Variants in GPC6 observed in about 807,000 individuals in gnomAD.
GPC6 encodes glypican-6.
In GPC6, 14 loss-of-function variants were observed where a neutral mutation model predicts 55.2. The ratio of observed to expected loss-of-function variants is 0.25; its 90% confidence interval spans 0.17 to 0.40. GPC6 has a LOEUF of 0.40. GPC6 is among the 10% of genes least tolerant of loss of function. GPC6 has a pLI of 1.00. For synonymous variants in GPC6, 278 were observed against 259.6 expected (o/e 1.07, Z -0.68); for missense variants, 641 against 708.5 (o/e 0.90, Z 1.08).
rs541467236 is a variant in GPC6 at position 93,454,151 on chromosome 13, T to A, written c.161-91112T>A. Among the ~76,000 whole-genome samples the A allele has an allele frequency of 4.0e-5, 6 of 149,650 alleles. 1 individual carries two copies. In the South Asian group the frequency reaches 1.3e-3, roughly 32 times the overall value. ...ATTGGTGCATTCACAAACCCTGAGCTAGACACAGGGTGCTGATTGGTGTGT... is the reference window on the plus strand; with the variant it reads ...ATTGGTGCATTCACAAACCCTGAGCAAGACACAGGGTGCTGATTGGTGTGT... On this transcript the variant is annotated intron_variant, in intron 1 of 8. Transcript: ENST00000377047.
At chr13:93,535,969 C>T (rs1882046689) in intron 1 of GPC6, among the ~76,000 whole-genome samples, 1 of 152,170 alleles carries the variant, frequency 6.6e-6, no homozygotes, top group Non-Finnish European at 1.5e-5. Context: ...CCCTCATGCT[C>T]TAACAAGCAC....
chr13:93,856,533 G>T (rs754817374), intron 3 of GPC6, among the ~76,000 whole-genome samples: 2 of 151,590 alleles, frequency 1.3e-5, no homozygotes, highest in African/African-American at 2.4e-5. Flanking sequence ...AAAAATATTT[G>T]CACAGTTTAC....
At chr13:93,342,118 C>T (rs546929917) in intron 1 of GPC6, among the ~76,000 whole-genome samples, 171 of 152,040 alleles carry the variant, frequency 1.1e-3, no homozygotes, top group African/African-American at 4.1e-3. Context: ...AATCACCCAC[C>T]TCGGCCTCCC....
intron 3 of GPC6, among the ~76,000 whole-genome samples, chr13:93,840,391 C>A (rs763878301): frequency 2.0e-5 from 3 of 151,958 alleles, no homozygotes; most frequent in Non-Finnish European, 2.9e-5. Context: ...TAGCTTAAAT[C>A]AGGAAGAATT....
intron 4 of GPC6, among the ~76,000 whole-genome samples, chr13:94,261,707 A>G (rs1314778137): frequency 1.3e-5 from 2 of 152,240 alleles, no homozygotes; most frequent in African/African-American, 4.8e-5. Flanking sequence ...AGACAGAGAC[A>G]TAGAGCCCCA....
intron 2 of GPC6, among the ~76,000 whole-genome samples, chr13:93,596,529 T>G (rs1019007864): frequency 1.3e-5 from 2 of 151,278 alleles, no homozygotes; most frequent in Admixed American, 1.3e-4. Context: ...TGTTGATTCT[T>G]ATACTTTGAA....
At chr13:94,329,478 G>A (rs1566681775) in intron 6 of GPC6, among the ~76,000 whole-genome samples, 2 of 152,128 alleles carry the variant, frequency 1.3e-5, no homozygotes, top group East Asian at 1.9e-4. Context: ...AGAGAATCAC[G>A]CTTTCATTTT....
intron 2 of GPC6, among the ~76,000 whole-genome samples, chr13:93,551,920 A>G (rs1875180115): frequency 6.6e-6 from 1 of 152,164 alleles, no homozygotes; most frequent in African/African-American, 2.4e-5. Flanking sequence ...TACACACACA[A>G]ACACTACAAC....
intron 2 of GPC6, among the ~76,000 whole-genome samples, chr13:93,617,018 G>A (rs1433700037): frequency 6.6e-6 from 1 of 151,986 alleles, no homozygotes; most frequent in African/African-American, 2.4e-5. Context: ...TAAAAACATT[G>A]TAATAATCTT....
chr13:94,046,301 T>TG (rs1382287448), intron 4 of GPC6, among the ~76,000 whole-genome samples: 1 of 152,072 alleles, frequency 6.6e-6, no homozygotes, highest in African/African-American at 2.4e-5. Context: ...TGCTGAAGCC[T>TG]GGGCCACATT....
At chr13:94,038,336 C>A (rs1487752471) in intron 4 of GPC6, among the ~76,000 whole-genome samples, 3 of 151,894 alleles carry the variant, frequency 2.0e-5, no homozygotes, top group Non-Finnish European at 2.9e-5. Flanking sequence ...AAAAATTTCA[C>A]TGGATGGTTT....
chr13:94,361,640 C>A (rs960434936), intron 6 of GPC6, among the ~76,000 whole-genome samples: 10 of 152,234 alleles, frequency 6.6e-5, no homozygotes, highest in African/African-American at 2.4e-4. Context: ...GTGGACAGGC[C>A]TTTGGCCAAT....
chr13:93,962,524 C>T (rs932871885), intron 3 of GPC6, among the ~76,000 whole-genome samples: 4 of 151,862 alleles, frequency 2.6e-5, no homozygotes, highest in East Asian at 1.9e-4. Context: ...AAATATCTGC[C>T]GAAAGACTGA....
chr13:93,805,566 A>G (rs1340503587), intron 2 of GPC6, among the ~76,000 whole-genome samples: 2 of 152,216 alleles, frequency 1.3e-5, no homozygotes, highest in East Asian at 1.9e-4. Context: ...TACTACTTGA[A>G]CTATGTAATG....
intron 2 of GPC6, among the ~76,000 whole-genome samples, chr13:93,547,235 A>G (rs1184605935): frequency 6.6e-6 from 1 of 151,644 alleles, no homozygotes; most frequent in Admixed American, 6.6e-5. Flanking sequence ...AGTCCCAGCT[A>G]CTGGGGAGGC....
At chr13:93,552,167 G>A (rs919482119) in intron 2 of GPC6, among the ~76,000 whole-genome samples, 22 of 152,292 alleles carry the variant, frequency 1.4e-4, no homozygotes, top group Non-Finnish European at 1.8e-4. Context: ...AAATCAGAAT[G>A]CGCTGAACTG....
At chr13:93,525,805 A>G (rs571804538) in intron 1 of GPC6, among the ~76,000 whole-genome samples, 2 of 152,222 alleles carry the variant, frequency 1.3e-5, no homozygotes, top group Non-Finnish European at 2.9e-5. Flanking sequence ...CATTCAATAT[A>G]TGACTGAAAG....
At chr13:93,339,954 ATTG>A (rs1433646016) in intron 1 of GPC6, among the ~76,000 whole-genome samples, 1 of 149,984 alleles carries the variant, frequency 6.7e-6, no homozygotes, top group Non-Finnish European at 1.5e-5. Flanking sequence ...CACAATGTTT[ATTG>A]TATAAGTGTG....
At chr13:93,903,433 T>C (rs2140329046) in intron 3 of GPC6, among the ~76,000 whole-genome samples, 1 of 152,370 alleles carries the variant, frequency 6.6e-6, no homozygotes, top group East Asian at 1.9e-4. Flanking sequence ...CTTTCAAAGA[T>C]ATCCATCCAA....
Sources: gnomAD v4.1 joint callset for allele counts (sites outside exome capture counted in the v4.1 genomes callset) on GRCh38, gnomAD v4.1.1 for gene constraint, MANE v1.5 for transcripts, NCBI Gene and HGNC (gene_info 2026-07-23, HGNC 2026-07-21) for gene names.